Variants in ACTN4 observed in about 807,000 individuals in gnomAD.
ACTN4 encodes alpha-actinin-4.
Under a neutral mutation model 114.2 loss-of-function variants are expected in ACTN4, and 18 were observed. That is an observed-to-expected ratio of 0.16 (90% CI 0.11 to 0.23). The LOEUF (loss-of-function observed/expected upper bound fraction) is 0.23, where lower values mean the gene tolerates loss of function less well. Ranked by LOEUF, ACTN4 falls within the 10% of genes least tolerant of loss-of-function variation. The probability of loss-of-function intolerance (pLI) is 1.00; values close to 1 mark genes in which losing one functional copy is unlikely to be tolerated. For synonymous variants in ACTN4, 515 were observed against 506.3 expected (o/e 1.02, Z -0.23); for missense variants, 722 against 1,262.9 (o/e 0.57, Z 6.49).
intron 1 of ACTN4, among the ~76,000 whole-genome samples, chr19:38,662,296 G>A (rs1173132554): frequency 6.6e-6 from 1 of 152,202 alleles, no homozygotes; most frequent in African/African-American, 2.4e-5. Context: ...TCCTGCCTCT[G>A]AACACACAGC....
At chr19:38,710,183 C>A in intron 7 of ACTN4, 74 bp from the exon 8 acceptor site, 1 of 1,530,254 alleles carries the variant, frequency 6.5e-7, no homozygotes, top group South Asian at 1.1e-5. Flanking sequence ...CCTTGGGAGC[C>A]CGTGGATCCC....
chr19:38,722,206 AC>A (rs1203723845), intron 12 of ACTN4, among the ~76,000 whole-genome samples: 2 of 152,106 alleles, frequency 1.3e-5, no homozygotes, highest in Non-Finnish European at 2.9e-5. Context: ...CACAATTAGT[AC>A]GCTGAGGGTC....
At chr19:38,664,097 C>A (rs943521208) in intron 1 of ACTN4, among the ~76,000 whole-genome samples, 1 of 152,228 alleles carries the variant, frequency 6.6e-6, no homozygotes, top group Non-Finnish European at 1.5e-5. Flanking sequence ...TCCCAGTCTG[C>A]TGGCGAGGCT....
chr19:38,667,337 T>C (rs1568683826), intron 1 of ACTN4, among the ~76,000 whole-genome samples: 1 of 151,402 alleles, frequency 6.6e-6, no homozygotes. Flanking sequence ...AAAAAATGAG[T>C]GTGTGTATGT....
intron 1 of ACTN4, among the ~76,000 whole-genome samples, chr19:38,666,789 C>T (rs1004614051): frequency 1.3e-5 from 2 of 152,214 alleles, no homozygotes; most frequent in Non-Finnish European, 2.9e-5. Context: ...CTAATCAACC[C>T]TCTCTAAGGC....
intron 1 of ACTN4, among the ~76,000 whole-genome samples, chr19:38,672,834 A>C (rs902414642): frequency 1.3e-5 from 2 of 152,084 alleles, no homozygotes; most frequent in Non-Finnish European, 2.9e-5. Flanking sequence ...TGGCCTCCCA[A>C]AGTGTTGGGA....
chr19:38,717,401 C>A lies in ACTN4; in HGVS notation c.1143+85C>A. On this transcript the variant is annotated intron_variant, in intron 10 of 20. Coordinates refer to ENST00000252699, the MANE Select transcript of ACTN4 (RefSeq NM_004924.6). This position sits in a 1 kb window ranked among gnomAD's most constrained non-coding sequence, Gnocchi z 4.0. The stretch of plus-strand genomic sequence containing the variant: ...CTGTGGGCAGTTTGGCCAGCGTAAT[C>A]TTTCCTAAGTTGTTGATGTCCTGTG... The A allele has an allele frequency of 6.6e-7, 1 of 1,522,954 alleles. No homozygotes were observed. The highest frequency in any genetic ancestry group is 8.9e-7 in the Non-Finnish European group (1 of 1,126,100). The allele number at this position is 1,522,954 out of a possible 1,614,324, so 94.3% of individuals were successfully genotyped here.
chr19:38,679,396 A>G (rs1033347687), intron 1 of ACTN4, among the ~76,000 whole-genome samples: 1 of 152,102 alleles, frequency 6.6e-6, no homozygotes, highest in Non-Finnish European at 1.5e-5. Flanking sequence ...AACCTCTGCA[A>G]TATATGATAC....
intron 1 of ACTN4, 194 bp downstream of exon 1, chr19:38,648,101 G>GA (rs1195518243): frequency 1.7e-6 from 1 of 595,126 alleles, no homozygotes; most frequent in Non-Finnish European, 2.6e-6. Context: ...TTGGGAATCT[G>GA]AAAAGAGAAT....
chr19:38,654,618 G>T (rs979163726), intron 1 of ACTN4, among the ~76,000 whole-genome samples: 13 of 151,910 alleles, frequency 8.6e-5, no homozygotes, highest in Non-Finnish European at 1.3e-4. Flanking sequence ...TATTTAACTG[G>T]CAAGAGCATC....
intron 12 of ACTN4, 160 bp downstream of exon 12, chr19:38,721,848 G>A (rs1355227064): frequency 9.5e-7 from 1 of 1,056,914 alleles, no homozygotes; most frequent in Non-Finnish European, 1.4e-6. Context: ...AGGGCCTTAT[G>A]GGATGAGGCC....
At chr19:38,712,192 C>T (rs892431675) in intron 8 of ACTN4, among the ~76,000 whole-genome samples, 3 of 152,136 alleles carry the variant, frequency 2.0e-5, no homozygotes, top group African/African-American at 7.2e-5. Flanking sequence ...CAGTTAGCCC[C>T]ATTTGAGAGA....
chr19:38,703,616 A>G (rs1968356953), intron 3 of ACTN4, among the ~76,000 whole-genome samples: 1 of 152,144 alleles, frequency 6.6e-6, no homozygotes, highest in Non-Finnish European at 1.5e-5. Context: ...CTTCCTGACA[A>G]CACAGCAGCC....
At chr19:38,706,571 A>G (rs1476333098) in intron 5 of ACTN4, among the ~76,000 whole-genome samples, 2 of 152,070 alleles carry the variant, frequency 1.3e-5, no homozygotes, top group Non-Finnish European at 2.9e-5. Flanking sequence ...ATGCAGCCAC[A>G]CCTGGCTAAT....
At chr19:38,720,831 C>A (rs562326205) in intron 11 of ACTN4, among the ~76,000 whole-genome samples, 42 of 152,356 alleles carry the variant, frequency 2.8e-4, no homozygotes, top group Non-Finnish European at 5.4e-4. Context: ...GTGCCTGAGG[C>A]AGGGCCCCTG....
In ACTN4 at chr19:38,730,488, C is replaced by T. The variant is rs184938400; in HGVS notation, c.*1056C>T. Reference sequence around the variant, plus strand: ...TTTCTTGGTTTCTGGATAAACCACCCTCTGGGGACAGGATAATAAAACATG... The same window carrying T: ...TTTCTTGGTTTCTGGATAAACCACCTTCTGGGGACAGGATAATAAAACATG... On this transcript the variant is annotated 3_prime_UTR_variant, in exon 21 of 21. Transcript: ENST00000252699. The T allele has an allele frequency of 1.5e-5, 4 of 269,794 alleles. No homozygotes were observed. In the East Asian group the frequency reaches 3.0e-4, roughly 20 times the overall value. 16.7% of individuals were successfully genotyped at this position (269,794 alleles called of 1,614,324 possible). A position where few individuals can be genotyped will look rare whatever the true frequency, so the allele number is the denominator to read the frequency against.
At chr19:38,713,159 C>T (rs1028094304) in intron 8 of ACTN4, among the ~76,000 whole-genome samples, 1 of 152,172 alleles carries the variant, frequency 6.6e-6, no homozygotes. Context: ...GGTCTAGCGC[C>T]AGTGTGCCCA....
intron 2 of ACTN4, 79 bp downstream of exon 2, chr19:38,700,793 C>T: frequency 1.4e-6 from 2 of 1,427,970 alleles, no homozygotes; most frequent in South Asian, 1.2e-5. Context: ...ACCCTGCCCA[C>T]CCAGCTGTCC....
chr19:38,654,212 A>G (rs1976646564), intron 1 of ACTN4, among the ~76,000 whole-genome samples: 2 of 152,196 alleles, frequency 1.3e-5, no homozygotes, highest in Non-Finnish European at 2.9e-5. Context: ...TTAAAGAAGG[A>G]TCTTATGAAG....
Sources: gnomAD v4.1 joint callset for allele counts (sites outside exome capture counted in the v4.1 genomes callset) on GRCh38, gnomAD v4.1.1 for gene constraint, Gnocchi (gnomAD v3.1) non-coding constraint, MANE v1.5 for transcripts, NCBI Gene and HGNC (gene_info 2026-07-23, HGNC 2026-07-21) for gene names.